SF1: variants seen among roughly 807,000 people sequenced by gnomAD.
The protein encoded by SF1 is branch point-binding protein.
SF1 carries 7 observed loss-of-function variants against 62.5 expected under a neutral mutation model. That is an observed-to-expected ratio of 0.11 (90% confidence interval 0.06 to 0.21). The LOEUF is 0.21. Among genes scored for constraint, SF1 ranks in the 10% least tolerant of loss-of-function variants. SF1 has a pLI of 1.00. For synonymous variants in SF1, 394 were observed against 323.6 expected (o/e 1.22, Z -2.33); for missense variants, 578 against 884.0 (o/e 0.65, Z 4.39).
intron 3 of SF1, chr11:64,773,207 T>C (rs1938599810): frequency 3.0e-6 from 4 of 1,353,084 alleles, no homozygotes; most frequent in Non-Finnish European, 3.8e-6. Context: ...GTTGTCCATT[T>C]TCCTGTAACT....
intron 2 of SF1, among the ~76,000 whole-genome samples, chr11:64,774,140 T>C (rs1027614730): frequency 2.0e-5 from 3 of 152,232 alleles, no homozygotes; most frequent in African/African-American, 7.2e-5. Flanking sequence ...GCAGCTCTTA[T>C]TCAATTATAT....
chr11:64,771,641 G>A (rs1422644181), intron 3 of SF1: 1 of 985,304 alleles, frequency 1.0e-6, no homozygotes, highest in Non-Finnish European at 1.2e-6. Context: ...TCTAGCATTT[G>A]TATAAACTGT....
At chr11:64,772,606 A>T (rs1294276702) in intron 3 of SF1, 2 of 985,062 alleles carry the variant, frequency 2.0e-6, no homozygotes, top group East Asian at 1.1e-4. Context: ...TTCTGTATGT[A>T]CTAAGAGAAA....
Position 64,778,515 on chromosome 11 carries a change from C to CGGCG in SF1, c.-127_-124dup, listed in dbSNP as rs1939796358. ...AGCGCGCGGAGCCCGTCCTCTCACG[C>CGGCG]GGCGGGCGGCGGCGGCGCGAGACGC... On this transcript the variant is annotated 5_prime_UTR_variant, in exon 1 of 13. Transcript: ENST00000377390. 4 of 1,132,018 alleles carry CGGCG rather than the reference C, an allele frequency of 3.5e-6. No homozygotes were observed. Among genetic ancestry groups the CGGCG allele is most frequent in the Non-Finnish European group, 4.3e-6 (4 of 926,220 alleles). 70.1% of individuals were successfully genotyped at this position (1,132,018 alleles called of 1,614,324 possible). A position where few individuals can be genotyped will look rare whatever the true frequency, so the allele number is the denominator to read the frequency against.
chr11:64,767,593 C>T lies in SF1; in HGVS notation c.1320G>A (p.Gly440=). Residue 440 remains glycine, a synonymous_variant, in exon 10 of 13, where the codon GGG becomes GGA. Transcript: ENST00000377390. ...TACCCATTGGAGGAGGGCCATGGTG[C>T]CCAGGAGGGTGGGGGCCCTGGTTCA... ...PPMNQGPHPP[G]HHGPPPMDQY... is the part of the protein sequence containing the mutation. 3 of 1,572,666 alleles carry T rather than the reference C, an allele frequency of 1.9e-6. No individual in the cohort carries two copies. Among genetic ancestry groups the T allele is most frequent in the Non-Finnish European group, 2.6e-6 (3 of 1,162,094 alleles).
chr11:64,778,333 C>CG, intron 1 of SF1, 29 bp downstream of exon 1: 3 of 1,224,690 alleles, frequency 2.4e-6, no homozygotes, highest in Non-Finnish European at 3.1e-6. Flanking sequence ...GCCCGGGGAG[C>CG]GGGGGCAGCC....
Position 64,768,087 on chromosome 11 carries a change from A to T in SF1, c.1068+19T>A. On this transcript the variant is annotated intron_variant, in intron 9 of 12. Coordinates refer to ENST00000377390, the MANE Select transcript of SF1 (RefSeq NM_004630.4). ...GAGAATGGGGAAGCCAGACCAAGAG[A>T]GCCAGCCCCCAGGCTCACCGGTGGA... is the stretch of plus-strand genomic sequence containing the variant. 1 of 1,599,228 alleles carries T rather than the reference A, an allele frequency of 6.3e-7. No homozygotes were observed. Among genetic ancestry groups the T allele is most frequent in the Middle Eastern group, 1.7e-4 (1 of 5,884 alleles).
intron 3 of SF1, 167 bp from the exon 4 acceptor site, chr11:64,770,575 T>C: frequency 1.4e-6 from 1 of 700,946 alleles, no homozygotes; most frequent in Non-Finnish European, 2.3e-6. Context: ...AATGGGGAGA[T>C]GGAAGCTGGC....
chr11:64,766,410 G>A, intron 12 of SF1: 1 of 559,706 alleles, frequency 1.8e-6, no homozygotes, highest in East Asian at 3.1e-5. Flanking sequence ...TGAGGGGAAG[G>A]TACCAGACAC....
chr11:64,775,066 C>T (rs1363541583), intron 2 of SF1, among the ~76,000 whole-genome samples: 1 of 152,008 alleles, frequency 6.6e-6, no homozygotes, highest in African/African-American at 2.4e-5. Flanking sequence ...TCCTTTATGC[C>T]TAAAAAGTTC....
Position 64,767,985 on chromosome 11 carries a change from G to C in SF1, c.1068+121C>G, listed in dbSNP as rs142944267. On this transcript the variant is annotated intron_variant, in intron 9 of 12. Coordinates refer to ENST00000377390, the MANE Select transcript of SF1 (RefSeq NM_004630.4). ...GTCCCCAAACTGGCCTGAGATCCCG[G>C]AAGAACAATGTTGCCATCCACATCC... The C allele has an allele frequency of 2.8e-6, 4 of 1,442,894 alleles. No homozygotes were observed. In the African/African-American group the frequency reaches 5.7e-5, roughly 21 times the overall value. 89.4% of individuals were successfully genotyped at this position (1,442,894 alleles called of 1,614,324 possible).
rs959907667 is a variant in SF1, at chr11:64,777,028, G to A, written c.32-402C>T. Among the ~76,000 whole-genome samples the A allele has an allele frequency of 3.9e-5, 6 of 152,148 alleles. No individual in the cohort carries two copies. The East Asian group carries it at 1.2e-3, about 29-fold the overall frequency. On this transcript the variant is annotated intron_variant, in intron 1 of 12. Coordinates refer to ENST00000377390, the MANE Select transcript of SF1 (RefSeq NM_004630.4). ...TAAAGCAGTCCTGATGGGACTGGGG[G>A]CTCCACCCACCTCCACTCCCCTCAC...
intron 1 of SF1, among the ~76,000 whole-genome samples, chr11:64,777,072 A>C (rs1939394679): frequency 6.6e-6 from 1 of 152,218 alleles, no homozygotes; most frequent in Admixed American, 6.5e-5. Flanking sequence ...TTTGTACGAG[A>C]GGCCGGACCA....
In SF1 at chr11:64,767,122, G is replaced by A. The variant is rs376856584; in HGVS notation, c.1403-43C>T. ...CAAAGATGAGGCCTCAGGGAAAGGC[G>A]GGGACTTGGGCCAGAACCCCCACTC... On this transcript the variant is annotated intron_variant, in intron 11 of 12. Coordinates refer to ENST00000377390, the MANE Select transcript of SF1 (RefSeq NM_004630.4). 3.6e-4 allele frequency: 574 copies of A among 1,611,180 alleles called. 2 individuals are homozygous for A. The highest frequency in any genetic ancestry group is 2.2e-3 in the South Asian group (197 of 90,866).
At chr11:64,766,861 A>ACCCCCCCCC in intron 12 of SF1, 39 bp downstream of exon 12, 1 of 158,976 alleles carries the variant, frequency 6.3e-6, no homozygotes. Context: ...CCCCACCCCC[A>ACCCCCCCCC]TCCCACCCAC....
At chr11:64,772,432 A>G (rs1305689405) in intron 3 of SF1, 2 of 985,434 alleles carry the variant, frequency 2.0e-6, no homozygotes, top group Non-Finnish European at 2.4e-6. Flanking sequence ...TAAAGAGTCA[A>G]TATGGAGAAA....
intron 4 of SF1, 98 bp downstream of exon 4, chr11:64,770,158 G>T: frequency 6.4e-7 from 1 of 1,554,080 alleles, no homozygotes. Context: ...TGGGTGACTT[G>T]AGGCAAGAGG....
At chr11:64,768,348 T>C in intron 8 of SF1, 62 bp from the exon 9 acceptor site, 3 of 1,494,464 alleles carry the variant, frequency 2.0e-6, no homozygotes, top group Non-Finnish European at 2.8e-6. Context: ...AGGAAGCTTT[T>C]ATCCTGAGGA....
At chr11:64,770,210 G>A (rs1938090660) in intron 4 of SF1, 46 bp downstream of exon 4, 1 of 1,601,534 alleles carries the variant, frequency 6.2e-7, no homozygotes, top group African/African-American at 1.3e-5. Context: ...GGTCACCCAT[G>A]ATCTGCATGT....
Sources: allele counts gnomAD v4.1 joint callset (sites outside exome capture counted in the v4.1 genomes callset), GRCh38; gene constraint gnomAD v4.1.1; transcripts MANE v1.5; gene names NCBI Gene and HGNC (gene_info 2026-07-23, HGNC 2026-07-21).